BCL2L1: variants seen among roughly 807,000 people sequenced by gnomAD.
BCL2L1 encodes the protein bcl-2-like protein 1.
BCL2L1 carries 1 observed loss-of-function variant against 18.7 expected under a neutral mutation model. The ratio of observed to expected loss-of-function variants is 0.05; its 90% CI spans 0.02 to 0.25. BCL2L1 has a LOEUF of 0.25. Ranked by LOEUF, BCL2L1 falls within the 10% of genes least tolerant of loss-of-function variation. BCL2L1 has a pLI of 1.00. For synonymous variants in BCL2L1, 103 were observed against 122.7 expected, an observed-to-expected ratio of 0.84 and a Z score of 1.06; for missense variants, 207 against 304.9, an observed-to-expected ratio of 0.68 and a Z score of 2.39.
At chr20:31,684,221 A>G (rs2060917328) in intron 2 of BCL2L1, among the ~76,000 whole-genome samples, 1 of 152,112 alleles carries the variant, frequency 6.6e-6, no homozygotes, top group Non-Finnish European at 1.5e-5. Context: ...GACCAAAAGA[A>G]CCTATCTGAG....
At chr20:31,673,854 GT>G (rs1483515768) in intron 2 of BCL2L1, among the ~76,000 whole-genome samples, 67 of 152,278 alleles carry the variant, frequency 4.4e-4, no homozygotes, top group East Asian at 4.2e-3. Flanking sequence ...ACTTGACTGT[GT>G]GTGGCTCTGT....
intron 2 of BCL2L1, among the ~76,000 whole-genome samples, chr20:31,682,042 G>C (rs905081896): frequency 1.1e-4 from 16 of 152,218 alleles, no homozygotes; most frequent in Non-Finnish European, 1.5e-4. Flanking sequence ...TGGGAGCGGG[G>C]GTCAGGGTAG....
chr20:31,716,871 G>A lies in BCL2L1; in HGVS notation c.564+4784C>T, dbSNP rs534799630. ...ATCTGAAGCTGGTGATATTCTCCTG[G>A]GTCTTCTCTTCCCCAGGCTAAACAA... On this transcript the variant is annotated intron_variant, in intron 2 of 2. Coordinates refer to ENST00000307677, the MANE Select transcript of BCL2L1 (RefSeq NM_138578.3). 5.3e-5 allele frequency: 8 copies of A among 152,212 alleles called. No individual in the cohort carries two copies. In the South Asian group the frequency reaches 8.3e-4, roughly 16 times the overall value. The allele number at this position is 152,212 out of a possible 1,614,324, so 9.4% of individuals were successfully genotyped here.
intron 2 of BCL2L1, among the ~76,000 whole-genome samples, chr20:31,670,887 C>T (rs1047263477): frequency 1.4e-4 from 21 of 152,164 alleles, no homozygotes; most frequent in Non-Finnish European, 3.1e-4. Flanking sequence ...GATAAATAAA[C>T]AGGATTGCAG....
At chr20:31,699,732 C>G (rs553491332) in intron 2 of BCL2L1, among the ~76,000 whole-genome samples, 1 of 152,346 alleles carries the variant, frequency 6.6e-6, no homozygotes, top group Admixed American at 6.5e-5. Context: ...CCCTGGCATG[C>G]AACTTCACTT....
intron 2 of BCL2L1, among the ~76,000 whole-genome samples, chr20:31,720,388 T>C (rs1198502362): frequency 6.6e-6 from 1 of 152,212 alleles, no homozygotes; most frequent in Admixed American, 6.5e-5. Context: ...GGATGACTTA[T>C]TTTCCACAGC....
intron 2 of BCL2L1, among the ~76,000 whole-genome samples, chr20:31,697,468 C>T (rs1184513644): frequency 1.3e-5 from 2 of 151,438 alleles, no homozygotes; most frequent in East Asian, 1.9e-4. Flanking sequence ...GACGGAGTCT[C>T]GCTCTGTCAC....
At chr20:31,681,575 AG>A (rs773998339) in intron 2 of BCL2L1, among the ~76,000 whole-genome samples, 2 of 152,214 alleles carry the variant, frequency 1.3e-5, no homozygotes, top group African/African-American at 4.8e-5. Flanking sequence ...CAGGAGGCTG[AG>A]GCTGCAGTGA....
chr20:31,697,892 G>GTTTTTTTTTTTTTTTTTGTTTT (rs199575410), intron 2 of BCL2L1, among the ~76,000 whole-genome samples: 14 of 129,650 alleles, frequency 1.1e-4, no homozygotes, highest in Non-Finnish European at 1.9e-4. Flanking sequence ...TGCTGTTGCT[G>GTTTTTTTTTTTTTTTTTGTTTT]TTTTTTTTTT....
At chr20:31,704,106 T>C (rs775439164) in intron 2 of BCL2L1, among the ~76,000 whole-genome samples, 9,167 of 103,294 alleles carry the variant, frequency 0.089, 279 homozygotes, top group African/African-American at 0.25. Flanking sequence ...CCCTAAACCT[T>C]TTTTTTTTTT....
At position 31,721,873 on chromosome 20, in the gene BCL2L1, G is replaced by A. The variant is rs776985963; in HGVS notation, c.346C>T (p.Pro116Ser). 6.2e-7 allele frequency: 1 copy of A among 1,614,180 alleles called. No homozygotes were observed. Residue 116 changes from proline to serine, a missense_variant, in exon 2 of 3, where the codon CCA becomes TCA. Coordinates refer to ENST00000307677, the MANE Select transcript of BCL2L1 (RefSeq NM_138578.3). ...SDLTSQLHIT[P>S]GTAYQSFEQV... ...TCAAAGCTCTGATATGCTGTCCCTG[G>A]GGTGATGTGGAGCTGGGATGTCAGG...
intron 2 of BCL2L1, among the ~76,000 whole-genome samples, chr20:31,681,585 G>A (rs1568861106): frequency 6.6e-6 from 1 of 152,210 alleles, no homozygotes; most frequent in Admixed American, 6.5e-5. Context: ...AGGCTGCAGT[G>A]AGCCATGACT....
At chr20:31,715,076 C>A (rs2061508462) in intron 2 of BCL2L1, among the ~76,000 whole-genome samples, 1 of 152,052 alleles carries the variant, frequency 6.6e-6, no homozygotes. Context: ...AGATCGAGAC[C>A]ATCCTGACTA....
rs895325099 is a variant in BCL2L1, at chr20:31,699,541, G to A, written c.564+22114C>T. ...CCTCTCAGCTGGGAGTACAGTAGGT[G>A]TCCTTCAAGACCCTCAAACCAAGAT... On this transcript the variant is annotated intron_variant, in intron 2 of 2. Coordinates refer to ENST00000307677, the MANE Select transcript of BCL2L1 (RefSeq NM_138578.3). Among the ~76,000 whole-genome samples, 6 of 152,354 alleles carry A rather than the reference G, an allele frequency of 3.9e-5. No homozygotes were observed. In the East Asian group the frequency reaches 1.2e-3, roughly 29 times the overall value.
chr20:31,666,870 G>GT (rs1401435034), intron 2 of BCL2L1, among the ~76,000 whole-genome samples: 1 of 152,168 alleles, frequency 6.6e-6, no homozygotes, highest in East Asian at 1.9e-4. Flanking sequence ...TAAGTCAGAA[G>GT]GGAAGCACAT....
chr20:31,723,522 A>G (rs981272845), upstream of BCL2L1: 2 of 984,864 alleles, frequency 2.0e-6, no homozygotes, highest in Middle Eastern at 5.2e-4. Flanking sequence ...TCTCGAGCTC[A>G]CTAGGCCGGG....
chr20:31,716,186 A>C (rs1289481366), intron 2 of BCL2L1, among the ~76,000 whole-genome samples: 2 of 152,072 alleles, frequency 1.3e-5, no homozygotes, highest in East Asian at 1.9e-4. Context: ...TCCTCCAGTT[A>C]ATCTGTCTAT....
At chr20:31,694,493 G>A (rs537170621) in intron 2 of BCL2L1, among the ~76,000 whole-genome samples, 1 of 152,266 alleles carries the variant, frequency 6.6e-6, no homozygotes, top group South Asian at 2.1e-4. Context: ...GACAGATGGT[G>A]TCTGAGCTGC....
intron 2 of BCL2L1, among the ~76,000 whole-genome samples, chr20:31,678,041 C>A (rs1243238526): frequency 6.6e-6 from 1 of 152,174 alleles, no homozygotes; most frequent in Non-Finnish European, 1.5e-5. Flanking sequence ...CCAGTATTCT[C>A]CAGACACTTT....
Sources: gnomAD v4.1 joint callset for allele counts (sites outside exome capture counted in the v4.1 genomes callset) on GRCh38, gnomAD v4.1.1 for gene constraint, MANE v1.5 for transcripts, NCBI Gene and HGNC (gene_info 2026-07-23, HGNC 2026-07-21) for gene names.